Variants in SPECC1L observed in about 807,000 individuals in gnomAD.
SPECC1L encodes the protein cytospin-A.
SPECC1L carries 40 observed loss-of-function variants against 116.8 expected under a neutral mutation model. The ratio of observed to expected loss-of-function variants is 0.34; its 90% confidence interval spans 0.27 to 0.45. SPECC1L has a LOEUF of 0.45. Ranked by LOEUF, SPECC1L falls within the 20% of genes least tolerant of loss-of-function variation. SPECC1L has a pLI of 1.00. For missense variants in SPECC1L, 1,110 were observed against 1,373.6 expected, an observed-to-expected ratio of 0.81 and a Z score of 3.03; for synonymous variants, 504 against 500.6, an observed-to-expected ratio of 1.01 and a Z score of -0.09.
intron 3 of SPECC1L, 109 bp downstream of exon 3, chr22:24,302,493 T>C (rs1329371237): frequency 1.4e-6 from 2 of 1,401,234 alleles, no homozygotes; most frequent in East Asian, 2.4e-5. Context: ...CTTCTGGTGC[T>C]GGGAACACTT....
intron 11 of SPECC1L, among the ~76,000 whole-genome samples, chr22:24,353,708 T>G (rs2041471325): frequency 6.6e-6 from 1 of 152,002 alleles, no homozygotes; most frequent in Non-Finnish European, 1.5e-5. Flanking sequence ...ATGCCCAGCC[T>G]GAGTTTATGT....
intron 14 of SPECC1L, among the ~76,000 whole-genome samples, chr22:24,395,496 A>G (rs934128618): frequency 2.0e-5 from 3 of 152,070 alleles, no homozygotes; most frequent in Non-Finnish European, 4.4e-5. Context: ...CAAGGAAGAG[A>G]TATTTCATCA....
chr22:24,390,285 C>T (rs1352659129), intron 14 of SPECC1L, among the ~76,000 whole-genome samples: 2 of 152,086 alleles, frequency 1.3e-5, no homozygotes, highest in Non-Finnish European at 2.9e-5. Context: ...GGGTGTGTGG[C>T]ATGAGAAAGG....
chr22:24,371,579 C>A (rs1224538161), intron 14 of SPECC1L, among the ~76,000 whole-genome samples: 1 of 152,140 alleles, frequency 6.6e-6, no homozygotes, highest in Non-Finnish European at 1.5e-5. Context: ...TTAAAGCACA[C>A]ACTCTAAATA....
At chr22:24,334,234 G>A (rs2040999833) in intron 8 of SPECC1L, among the ~76,000 whole-genome samples, 176 bp from the exon 9 acceptor site, 1 of 151,726 alleles carries the variant, frequency 6.6e-6, no homozygotes, top group Admixed American at 6.6e-5. Flanking sequence ...AGATGGTCTC[G>A]ATCTCCTGAC....
At chr22:24,399,484 G>T (rs2042429061) in intron 14 of SPECC1L, among the ~76,000 whole-genome samples, 1 of 152,096 alleles carries the variant, frequency 6.6e-6, no homozygotes, top group Admixed American at 6.5e-5. Context: ...GCAGGAGAAT[G>T]GTGTGAACCT....
At chr22:24,383,787 C>G (rs1235081756) in intron 14 of SPECC1L, among the ~76,000 whole-genome samples, 1 of 107,262 alleles carries the variant, frequency 9.3e-6, no homozygotes, top group African/African-American at 3.5e-5. Context: ...CAGGCACCCA[C>G]CACTATTTTT....
At chr22:24,372,950 C>T (rs1601301424) in intron 14 of SPECC1L, among the ~76,000 whole-genome samples, 1 of 152,244 alleles carries the variant, frequency 6.6e-6, no homozygotes, top group East Asian at 1.9e-4. Flanking sequence ...AATCAATGTG[C>T]AAAAATCACA....
chr22:24,362,547 T>C (rs1418124538), intron 11 of SPECC1L, among the ~76,000 whole-genome samples: 1 of 152,204 alleles, frequency 6.6e-6, no homozygotes, highest in East Asian at 1.9e-4. Flanking sequence ...TGCCAGGTAA[T>C]GAAGGTTTTC....
intron 10 of SPECC1L, among the ~76,000 whole-genome samples, chr22:24,345,156 G>A (rs1195909414): frequency 6.6e-6 from 1 of 152,144 alleles, no homozygotes; most frequent in Non-Finnish European, 1.5e-5. Flanking sequence ...AGAACAGAGA[G>A]TTCAGAAGTA....
intron 2 of SPECC1L, among the ~76,000 whole-genome samples, chr22:24,277,710 C>T (rs1462508500): frequency 6.6e-6 from 1 of 152,226 alleles, no homozygotes; most frequent in Non-Finnish European, 1.5e-5. Context: ...ATTAGCACTT[C>T]ATTTCTTATA....
intron 12 of SPECC1L, among the ~76,000 whole-genome samples, chr22:24,365,246 G>A (rs1042960091): frequency 1.3e-5 from 2 of 152,112 alleles, no homozygotes; most frequent in African/African-American, 4.8e-5. Flanking sequence ...GACCTCAAGT[G>A]GTCTGCCTGC....
chr22:24,374,687 A>G (rs1429542091), intron 14 of SPECC1L, among the ~76,000 whole-genome samples: 2 of 151,528 alleles, frequency 1.3e-5, no homozygotes, highest in East Asian at 3.9e-4. Flanking sequence ...TGACGAGTTG[A>G]TGGGTGCAGC....
At chr22:24,281,876 G>A (rs914223185) in intron 2 of SPECC1L, among the ~76,000 whole-genome samples, 6 of 152,192 alleles carry the variant, frequency 3.9e-5, no homozygotes, top group Admixed American at 1.3e-4. Flanking sequence ...TAGACAGAGC[G>A]GAATCATCAA....
chr22:24,346,570 C>A (rs1461933514), intron 10 of SPECC1L, among the ~76,000 whole-genome samples: 1 of 152,108 alleles, frequency 6.6e-6, no homozygotes, highest in African/African-American at 2.4e-5. Flanking sequence ...TCTCTTCCAA[C>A]AAAATAATGA....
intron 14 of SPECC1L, among the ~76,000 whole-genome samples, chr22:24,383,376 A>T (rs147409238): frequency 6.6e-6 from 1 of 152,338 alleles, no homozygotes; most frequent in African/African-American, 2.4e-5. Flanking sequence ...CAAGAGTTCA[A>T]GACCAACCTG....
intron 10 of SPECC1L, among the ~76,000 whole-genome samples, chr22:24,344,059 A>G (rs1235683996): frequency 6.6e-6 from 1 of 152,208 alleles, no homozygotes; most frequent in South Asian, 2.1e-4. Context: ...TTCCAATTGT[A>G]TATAGTCTTT....
chr22:24,342,948 T>C (rs1279297904), intron 10 of SPECC1L, among the ~76,000 whole-genome samples: 1 of 152,012 alleles, frequency 6.6e-6, no homozygotes, highest in East Asian at 1.9e-4. Flanking sequence ...ATCCCAGCAC[T>C]TTGGGAGGCT....
chr22:24,358,537 A>G (rs1418997333), intron 11 of SPECC1L, among the ~76,000 whole-genome samples: 1 of 152,200 alleles, frequency 6.6e-6, no homozygotes, highest in Non-Finnish European at 1.5e-5. Flanking sequence ...TTTTGTCCAT[A>G]ATTCAGCTCT....
Sources: gnomAD v4.1 joint callset for allele counts (sites outside exome capture counted in the v4.1 genomes callset) on GRCh38, gnomAD v4.1.1 for gene constraint, MANE v1.5 for transcripts, NCBI Gene and HGNC (gene_info 2026-07-23, HGNC 2026-07-21) for gene names.